The following NEURL1 variants were observed in gnomAD, a reference collection of about 807,000 sequenced individuals.
NEURL1 encodes the protein E3 ubiquitin-protein ligase NEURL1.
NEURL1 carries 26 observed loss-of-function variants against 41.2 expected under a neutral mutation model. The observed-to-expected ratio is 0.63, with a 90% CI of 0.46 to 0.87. The LOEUF (loss-of-function observed/expected upper bound fraction) is 0.87. Among genes scored for constraint, NEURL1 ranks in the 40% least tolerant of loss-of-function variants. NEURL1 has a pLI of 0.00. For synonymous variants in NEURL1, 400 were observed against 402.3 expected (o/e 0.99, Z 0.07); for missense variants, 761 against 871.1 (o/e 0.87, Z 1.59).
At chr10:103,544,910 C>T (rs1400186162) in intron 1 of NEURL1, among the ~76,000 whole-genome samples, 1 of 152,208 alleles carries the variant, frequency 6.6e-6, no homozygotes, top group Non-Finnish European at 1.5e-5. Flanking sequence ...AAGGGGCTGC[C>T]CTCCCTAAAT....
intron 4 of NEURL1, 94 bp from the exon 5 acceptor site, chr10:103,589,420 G>T (rs1280568729): frequency 7.8e-6 from 11 of 1,404,674 alleles, no homozygotes; most frequent in Non-Finnish European, 1.0e-5. Flanking sequence ...GGGCTGTGTG[G>T]TCAGGCCTGG....
intron 1 of NEURL1, among the ~76,000 whole-genome samples, chr10:103,506,622 C>T (rs2033952304): frequency 6.6e-6 from 1 of 151,370 alleles, no homozygotes; most frequent in Admixed American, 6.6e-5. Flanking sequence ...TATAGTGGTG[C>T]AGTCTTGGCT....
At chr10:103,527,689 T>G (rs1393078562) in intron 1 of NEURL1, among the ~76,000 whole-genome samples, 4 of 152,194 alleles carry the variant, frequency 2.6e-5, no homozygotes, top group South Asian at 2.1e-4. Flanking sequence ...CTCCTGGGAA[T>G]GCAGCCCAGC....
intron 1 of NEURL1, among the ~76,000 whole-genome samples, chr10:103,547,746 G>A (rs1354345826): frequency 6.6e-6 from 1 of 152,112 alleles, no homozygotes; most frequent in African/African-American, 2.4e-5. Flanking sequence ...GGGATGGATT[G>A]AGGAGGATCT....
chr10:103,531,903 A>G (rs938194828), intron 1 of NEURL1, among the ~76,000 whole-genome samples: 2 of 152,128 alleles, frequency 1.3e-5, no homozygotes, highest in Non-Finnish European at 2.9e-5. Flanking sequence ...TATGATTGTT[A>G]TGTCCTCTTG....
At chr10:103,510,232 G>A (rs545129071) in intron 1 of NEURL1, among the ~76,000 whole-genome samples, 116 of 152,224 alleles carry the variant, frequency 7.6e-4, no homozygotes, top group East Asian at 1.4e-3. Context: ...AGCTTTGGCC[G>A]GACAGTGATG....
At chr10:103,559,925 A>G (rs967242350) in intron 1 of NEURL1, among the ~76,000 whole-genome samples, 8 of 151,744 alleles carry the variant, frequency 5.3e-5, no homozygotes, top group African/African-American at 1.7e-4. Flanking sequence ...ACATGCACAC[A>G]CATATTACAC....
At chr10:103,543,559 G>A (rs954433441) in intron 1 of NEURL1, among the ~76,000 whole-genome samples, 1 of 152,190 alleles carries the variant, frequency 6.6e-6, no homozygotes, top group Non-Finnish European at 1.5e-5. Context: ...GAGCATTATG[G>A]AGTGACCACC....
At position 103,590,139 on chromosome 10, in the gene NEURL1, GCC is replaced by G; in HGVS notation, c.1496_1497del (p.Pro499GlnfsTer21). 6.2e-7 allele frequency: 1 copy of G among 1,613,642 alleles called. No individual in the cohort carries two copies. Among genetic ancestry groups the G allele is most frequent in the East Asian group, 2.2e-5 (1 of 44,882 alleles). ...TGGTGCCCCCTTGTCCTCAGGGACA[GCC>G]CCCAATTCGCCAGTGAGCCTGCCCG... ...GPLGSSAGGTAPNSPVSLPES... is the reference protein window; with the variant it reads ...GPLGSSAGGTXPNSPVSLPES... On this transcript the variant is annotated frameshift_variant, in exon 6 of 6. Transcript: ENST00000369780. LOFTEE classifies it high-confidence loss of function.
chr10:103,515,963 C>T (rs970636393), intron 1 of NEURL1, among the ~76,000 whole-genome samples: 4 of 152,090 alleles, frequency 2.6e-5, no homozygotes, highest in African/African-American at 9.7e-5. Flanking sequence ...TGCGGTGGCT[C>T]ATGCCTGTAA....
At chr10:103,572,541 G>A (rs1201485913) in intron 3 of NEURL1, among the ~76,000 whole-genome samples, 1 of 152,226 alleles carries the variant, frequency 6.6e-6, no homozygotes, top group Non-Finnish European at 1.5e-5. Flanking sequence ...GAAGCAGCCT[G>A]GCATGCTCAG....
Position 103,580,064 on chromosome 10 carries a change from C to A in NEURL1, c.650-4472C>A, listed in dbSNP as rs139939586. ...CCTCTCCCAGACTCCCTGCCCAGGG[C>A]TGGGCACACAGTAGGTCAGTGAGTA... On this transcript the variant is annotated intron_variant, in intron 3 of 5. Transcript: ENST00000369780. 1.4e-3 allele frequency among the ~76,000 whole-genome samples: 207 copies of A among 152,320 alleles called. 1 individual carries two copies. The highest frequency in any genetic ancestry group is 4.2e-3 in the African/African-American group (175 of 41,574).
chr10:103,548,432 C>T (rs1405837611), intron 1 of NEURL1, among the ~76,000 whole-genome samples: 1 of 152,230 alleles, frequency 6.6e-6, no homozygotes, highest in East Asian at 1.9e-4. Flanking sequence ...AATTGATTCT[C>T]CTGCCTCGGC....
chr10:103,583,137 T>C (rs778972117), intron 3 of NEURL1, among the ~76,000 whole-genome samples: 1 of 152,256 alleles, frequency 6.6e-6, no homozygotes, highest in Non-Finnish European at 1.5e-5. Flanking sequence ...GAAACAGTTA[T>C]TGGCACGGAG....
At chr10:103,524,289 T>C (rs2034417439) in intron 1 of NEURL1, among the ~76,000 whole-genome samples, 1 of 152,086 alleles carries the variant, frequency 6.6e-6, no homozygotes, top group Non-Finnish European at 1.5e-5. Flanking sequence ...ATTGGAGGAT[T>C]TTTGTTTGTT....
At chr10:103,506,826 C>T (rs1404078446) in intron 1 of NEURL1, among the ~76,000 whole-genome samples, 5 of 152,290 alleles carry the variant, frequency 3.3e-5, no homozygotes, top group Admixed American at 1.3e-4. Context: ...TCCCAAAGTA[C>T]GGGGGATTAC....
At chr10:103,589,188 A>G (rs2035985704) in intron 4 of NEURL1, among the ~76,000 whole-genome samples, 1 of 152,130 alleles carries the variant, frequency 6.6e-6, no homozygotes, top group South Asian at 2.1e-4. Flanking sequence ...GAAAGCATAC[A>G]TGGGGAGGGG....
At chr10:103,541,128 G>T (rs1288090650) in intron 1 of NEURL1, among the ~76,000 whole-genome samples, 5 of 152,218 alleles carry the variant, frequency 3.3e-5, no homozygotes, top group African/African-American at 1.2e-4. Flanking sequence ...CATGGTTTGT[G>T]TAGGAAGGAT....
At chr10:103,550,914 T>G (rs2035019449) in intron 1 of NEURL1, 1 of 152,232 alleles carries the variant, frequency 6.6e-6, no homozygotes, top group African/African-American at 2.4e-5. Flanking sequence ...ATAAGATACT[T>G]AGCACAGTGC....
Sources: allele counts gnomAD v4.1 joint callset (sites outside exome capture counted in the v4.1 genomes callset), GRCh38; gene constraint gnomAD v4.1.1; transcripts MANE v1.5; gene names NCBI Gene and HGNC (gene_info 2026-07-23, HGNC 2026-07-21).